ACACA: variants seen among roughly 807,000 people sequenced by gnomAD.
ACACA encodes acetyl-CoA carboxylase alpha.
ACACA carries 103 observed loss-of-function variants against 296.1 expected under a neutral mutation model. The observed-to-expected ratio is 0.35, with a 90% CI of 0.30 to 0.41. The LOEUF (loss-of-function observed/expected upper bound fraction) is 0.41, where lower values mean the gene tolerates loss of function less well. ACACA is among the 10% of genes least tolerant of loss of function. The pLI, the probability that ACACA is intolerant of heterozygous loss-of-function variation, is 1.00. For missense variants in ACACA, 1,554 were observed against 2,989.7 expected (o/e 0.52, Z 11.20); for synonymous variants, 953 against 1,038.6 (o/e 0.92, Z 1.58).
rs577289758 is a variant in ACACA at position 37,323,014 on chromosome 17, A to G, written c.338+7159T>C. On this transcript the variant is annotated intron_variant, in intron 3 of 55. Transcript: ENST00000616317. ...GTCACACTGGCCCTCTGCCCTTGCA[A>G]TAAGGCAGATGGTCTATTGAGCTGG... Among the ~76,000 whole-genome samples the G allele has an allele frequency of 1.3e-3, 198 of 152,378 alleles. 2 individuals are homozygous for G. The highest frequency in any genetic ancestry group is 4.6e-3 in the African/African-American group (192 of 41,596).
chr17:37,353,145 T>G (rs557713412), intron 1 of ACACA, among the ~76,000 whole-genome samples: 1 of 152,192 alleles, frequency 6.6e-6, no homozygotes, highest in Non-Finnish European at 1.5e-5. Flanking sequence ...ATTAAACAGC[T>G]TGCCTTGCCA....
At chr17:37,124,127 C>T (rs73982234) in intron 48 of ACACA, among the ~76,000 whole-genome samples, 6,500 of 152,212 alleles carry the variant, frequency 0.043, 270 homozygotes, top group African/African-American at 0.11. Flanking sequence ...CAATCCCAGA[C>T]GAATACATTT....
chr17:37,251,311 CAT>C (rs2080984001), intron 16 of ACACA, among the ~76,000 whole-genome samples: 1 of 152,150 alleles, frequency 6.6e-6, no homozygotes, highest in South Asian at 2.1e-4. Flanking sequence ...ATGAGAGTAA[CAT>C]AGTGAAAGAT....
intron 7 of ACACA, among the ~76,000 whole-genome samples, chr17:37,276,692 A>T (rs2082297648): frequency 6.6e-6 from 1 of 152,204 alleles, no homozygotes; most frequent in African/African-American, 2.4e-5. Flanking sequence ...TGAGTATTCA[A>T]TTATCTTCAC....
intron 5 of ACACA, among the ~76,000 whole-genome samples, chr17:37,281,869 G>A (rs1426529935): frequency 6.6e-6 from 1 of 151,710 alleles, no homozygotes; most frequent in East Asian, 1.9e-4. Context: ...CCTCTCAAAA[G>A]AAAAAAGAAA....
At chr17:37,362,103 C>T (rs138834811) in intron 1 of ACACA, among the ~76,000 whole-genome samples, 122 of 152,260 alleles carry the variant, frequency 8.0e-4, no homozygotes, top group African/African-American at 2.7e-3. Context: ...AGACATAGGG[C>T]ATGCATGGCC....
intron 54 of ACACA, among the ~76,000 whole-genome samples, chr17:37,092,978 G>A (rs2142564163): frequency 6.6e-6 from 1 of 152,286 alleles, no homozygotes; most frequent in South Asian, 2.1e-4. Context: ...GTGGGCTAGG[G>A]TGGCCATCAG....
chr17:37,125,185 C>A (rs1249290277), intron 48 of ACACA, among the ~76,000 whole-genome samples: 3 of 151,858 alleles, frequency 2.0e-5, no homozygotes, highest in Non-Finnish European at 2.9e-5. Context: ...ATCTTGGCAA[C>A]CTATTTCAGC....
intron 45 of ACACA, among the ~76,000 whole-genome samples, chr17:37,148,118 A>T (rs778702219): frequency 6.6e-6 from 1 of 151,834 alleles, no homozygotes; most frequent in Non-Finnish European, 1.5e-5. Context: ...TATCTATGAG[A>T]ACAGAATTTT....
intron 3 of ACACA, among the ~76,000 whole-genome samples, chr17:37,318,667 A>G (rs920350618): frequency 6.6e-6 from 1 of 152,240 alleles, no homozygotes; most frequent in African/African-American, 2.4e-5. Flanking sequence ...CAAAAGACTT[A>G]AAGAGGTTTT....
At chr17:37,133,708 A>C (rs915462355) in intron 45 of ACACA, among the ~76,000 whole-genome samples, 2 of 152,188 alleles carry the variant, frequency 1.3e-5, no homozygotes, top group African/African-American at 4.8e-5. Context: ...CAGTTCCCAA[A>C]TATATTCCTC....
chr17:37,330,481 A>C, intron 2 of ACACA, 56 bp from the exon 3 acceptor site: 1 of 1,604,662 alleles, frequency 6.2e-7, no homozygotes, highest in Admixed American at 1.7e-5. Flanking sequence ...TCTATATCTG[A>C]GGTCAGCCAG....
chr17:37,245,052 G>A (rs2080624291), intron 20 of ACACA, 28 bp downstream of exon 20: 1 of 1,614,024 alleles, frequency 6.2e-7, no homozygotes, highest in Admixed American at 1.7e-5. Flanking sequence ...CTCTTAGAGA[G>A]CAATATTCGG....
chr17:37,340,952 T>C (rs1173933660), intron 1 of ACACA, among the ~76,000 whole-genome samples: 2 of 152,136 alleles, frequency 1.3e-5, no homozygotes, highest in South Asian at 2.1e-4. Context: ...TCCCAGCTAC[T>C]TGGGAGGCTG....
intron 5 of ACACA, among the ~76,000 whole-genome samples, chr17:37,282,673 A>C (rs2082594550): frequency 6.6e-6 from 1 of 152,172 alleles, no homozygotes. Context: ...ATCTGTGGGT[A>C]CTCTACCTTA....
At chr17:37,171,525 A>C (rs567524467) in intron 41 of ACACA, among the ~76,000 whole-genome samples, 1 of 152,344 alleles carries the variant, frequency 6.6e-6, no homozygotes, top group Non-Finnish European at 1.5e-5. Flanking sequence ...CAAATAATAC[A>C]ATATGGAAAG....
chr17:37,205,912 G>C, intron 32 of ACACA, 40 bp from the exon 33 acceptor site: 1 of 1,424,768 alleles, frequency 7.0e-7, no homozygotes, highest in South Asian at 1.1e-5. Context: ...TTATGAGGCT[G>C]GCCAATACAG....
chr17:37,332,156 G>A (rs1006931322), intron 2 of ACACA, among the ~76,000 whole-genome samples: 2 of 150,772 alleles, frequency 1.3e-5, no homozygotes, highest in African/African-American at 2.4e-5. Context: ...ATCATGACAC[G>A]TGTTTACCTA....
chr17:37,102,693 C>T (rs2073436422), intron 52 of ACACA, among the ~76,000 whole-genome samples: 1 of 152,238 alleles, frequency 6.6e-6, no homozygotes, highest in Admixed American at 6.5e-5. Flanking sequence ...GCACTGGCTG[C>T]AGAAGAGGGA....
Sources: allele counts gnomAD v4.1 joint callset (sites outside exome capture counted in the v4.1 genomes callset), GRCh38; gene constraint gnomAD v4.1.1; transcripts MANE v1.5; gene names NCBI Gene and HGNC (gene_info 2026-07-23, HGNC 2026-07-21).